The following RERE variants were observed in gnomAD, a reference collection of about 807,000 sequenced individuals.
RERE encodes arginine-glutamic acid dipeptide repeats protein.
In RERE, 40 loss-of-function variants were observed where a neutral mutation model predicts 146.1. That is an observed-to-expected ratio of 0.27 (90% confidence interval 0.21 to 0.36). The LOEUF (loss-of-function observed/expected upper bound fraction) is 0.36. Among genes scored for constraint, RERE ranks in the 10% least tolerant of loss-of-function variants. The probability of loss-of-function intolerance (pLI) is 1.00; values close to 1 mark genes in which losing one functional copy is unlikely to be tolerated. For synonymous variants in RERE, 1,003 were observed against 866.0 expected, an observed-to-expected ratio of 1.16 and a Z score of -2.78; for missense variants, 1,933 against 2,138.7, an observed-to-expected ratio of 0.90 and a Z score of 1.90.
At chr1:8,554,363 GGA>G (rs1645978369) in intron 6 of RERE, among the ~76,000 whole-genome samples, 1 of 152,136 alleles carries the variant, frequency 6.6e-6, no homozygotes, top group African/African-American at 2.4e-5. Flanking sequence ...GAAACAGGAA[GGA>G]AAGAGTATGC....
At chr1:8,540,075 T>A (rs917921480) in intron 7 of RERE, among the ~76,000 whole-genome samples, 11 of 152,100 alleles carry the variant, frequency 7.2e-5, no homozygotes, top group Admixed American at 5.9e-4. Flanking sequence ...AAGTATTATT[T>A]ATTATTTATT....
At chr1:8,745,741 CT>C (rs1434493753) in intron 1 of RERE, among the ~76,000 whole-genome samples, 10 of 152,162 alleles carry the variant, frequency 6.6e-5, no homozygotes, top group Non-Finnish European at 1.0e-4. Context: ...TTTCCACCCC[CT>C]AACATATATT....
chr1:8,641,549 C>G (rs1647177132), intron 2 of RERE, among the ~76,000 whole-genome samples: 1 of 152,144 alleles, frequency 6.6e-6, no homozygotes, highest in Non-Finnish European at 1.5e-5. Flanking sequence ...CTGTCACAGT[C>G]CTCCGGACTG....
intron 12 of RERE, among the ~76,000 whole-genome samples, chr1:8,393,354 C>T (rs951777419): frequency 6.6e-6 from 1 of 152,136 alleles, no homozygotes; most frequent in African/African-American, 2.4e-5. Context: ...GCCTGTGTGA[C>T]TGGGGGCCCA....
chr1:8,786,750 C>T (rs1641266533), intron 1 of RERE: 1 of 778,458 alleles, frequency 1.3e-6, no homozygotes, highest in East Asian at 2.4e-5. Flanking sequence ...TTCTGTACAT[C>T]TGCCTATATT....
chr1:8,499,502 C>T (rs954259061), intron 8 of RERE, among the ~76,000 whole-genome samples: 5 of 152,166 alleles, frequency 3.3e-5, no homozygotes, highest in Admixed American at 1.3e-4. Context: ...AGGAATGGGA[C>T]CCAGTGTGTG....
chr1:8,550,862 A>T (rs1645927176), intron 6 of RERE, among the ~76,000 whole-genome samples: 1 of 152,128 alleles, frequency 6.6e-6, no homozygotes, highest in African/African-American at 2.4e-5. Flanking sequence ...AAGGATTTTT[A>T]AATGTTTTAA....
rs201967372 is a variant in RERE, at chr1:8,679,782, CT to C, written c.-144-23342del. Among the ~76,000 whole-genome samples, 232 of 152,262 alleles carry C rather than the reference CT, an allele frequency of 1.5e-3. 5 individuals are homozygous for C. The East Asian group carries it at 0.039, about 26-fold the overall frequency. Reference sequence around the variant, plus strand: ...AGTTCTGTTTTCTACAAAACTAGAGCTTTTAGGAGCACATGTTTTCAATCAC... The same window carrying C: ...AGTTCTGTTTTCTACAAAACTAGAGCTTTAGGAGCACATGTTTTCAATCAC... On this transcript the variant is annotated intron_variant, in intron 1 of 22. Coordinates refer to ENST00000400908, the MANE Select transcript of RERE (RefSeq NM_001042681.2).
intron 1 of RERE, among the ~76,000 whole-genome samples, chr1:8,679,556 AGT>A (rs1199536929): frequency 3.3e-5 from 5 of 152,296 alleles, no homozygotes; most frequent in Admixed American, 3.3e-4. Context: ...CAGGGCCTAG[AGT>A]CTCTGGCAGA....
intron 1 of RERE, among the ~76,000 whole-genome samples, chr1:8,807,260 C>T (rs1356401479): frequency 6.6e-6 from 1 of 152,070 alleles, no homozygotes; most frequent in Non-Finnish European, 1.5e-5. Flanking sequence ...TGTTACGTTG[C>T]CCAGGCTGGT....
intron 11 of RERE, among the ~76,000 whole-genome samples, chr1:8,429,320 G>A (rs934474068): frequency 1.3e-5 from 2 of 152,168 alleles, no homozygotes; most frequent in Admixed American, 6.5e-5. Context: ...GAATGGAGCC[G>A]AGGGTGCAGA....
In RERE at chr1:8,490,311, C is replaced by T. The variant is rs185094172; in HGVS notation, c.1104+4752G>A. 4.8e-3 allele frequency among the ~76,000 whole-genome samples: 689 copies of T among 144,256 alleles called. 8 individuals are homozygous for T. The highest frequency in any genetic ancestry group is 6.3e-3 in the Non-Finnish European group (425 of 67,244). The allele number at this position is 144,256 out of a possible 152,430, so 94.6% of individuals were successfully genotyped here. On this transcript the variant is annotated intron_variant, in intron 10 of 22. Coordinates refer to ENST00000400908, the MANE Select transcript of RERE (RefSeq NM_001042681.2). ...GGAGGAGGTTGCAGTGAGCCGAGATCGCACCACTGCACTCCAGCCTGGGCA... is the reference window on the plus strand; with the variant it reads ...GGAGGAGGTTGCAGTGAGCCGAGATTGCACCACTGCACTCCAGCCTGGGCA...
At chr1:8,775,510 G>A (rs1020399508) in intron 1 of RERE, among the ~76,000 whole-genome samples, 3 of 152,242 alleles carry the variant, frequency 2.0e-5, no homozygotes, top group African/African-American at 7.2e-5. Context: ...CTTGGGCCCA[G>A]AAGGTAGAGG....
At chr1:8,804,046 T>C (rs898221029) in intron 1 of RERE, among the ~76,000 whole-genome samples, 2 of 152,244 alleles carry the variant, frequency 1.3e-5, no homozygotes, top group African/African-American at 2.4e-5. Context: ...AATATATTAA[T>C]AGAAACAAGA....
intron 1 of RERE, among the ~76,000 whole-genome samples, chr1:8,675,774 C>A (rs1246574180): frequency 6.6e-6 from 1 of 151,606 alleles, no homozygotes; most frequent in Non-Finnish European, 1.5e-5. Context: ...TACATACATA[C>A]ATACATACAT....
chr1:8,794,357 C>CAAAAAAAAA (rs34549021), intron 1 of RERE, among the ~76,000 whole-genome samples: 2 of 40,552 alleles, frequency 4.9e-5, no homozygotes, highest in Non-Finnish European at 9.4e-5. Flanking sequence ...GACTCCGTCT[C>CAAAAAAAAA]AAAAAAAAAA....
intron 4 of RERE, among the ~76,000 whole-genome samples, chr1:8,575,316 C>T (rs1425741023): frequency 1.3e-5 from 2 of 150,690 alleles, no homozygotes; most frequent in African/African-American, 2.4e-5. Flanking sequence ...AATAACCGGA[C>T]ACTTTCAGAG....
intron 1 of RERE, among the ~76,000 whole-genome samples, chr1:8,661,448 T>C (rs1638454639): frequency 6.6e-6 from 1 of 151,974 alleles, no homozygotes; most frequent in Non-Finnish European, 1.5e-5. Flanking sequence ...GGGATGTGAG[T>C]AGCAAAGAAA....
intron 12 of RERE, among the ~76,000 whole-genome samples, chr1:8,386,008 ATATATATATATATATTTTTTTTTTTT>A (rs1557603149): frequency 1.2e-4 from 5 of 41,342 alleles, no homozygotes; most frequent in Admixed American, 2.9e-4. Context: ...ATATATATAT[ATATATATATATATATTTTTTTTTTTT>A]TTTTTTTTTT....
Sources: gnomAD v4.1 joint callset for allele counts (sites outside exome capture counted in the v4.1 genomes callset) on GRCh38, gnomAD v4.1.1 for gene constraint, MANE v1.5 for transcripts, NCBI Gene and HGNC (gene_info 2026-07-23, HGNC 2026-07-21) for gene names.